The following AKAP6 variants were observed in gnomAD, a reference collection of about 807,000 sequenced individuals.
The protein encoded by AKAP6 is A-kinase anchor protein 6.
Under a neutral mutation model 188.5 loss-of-function variants are expected in AKAP6, and 58 were observed. The observed-to-expected ratio is 0.31, with a 90% confidence interval of 0.25 to 0.38. The LOEUF (loss-of-function observed/expected upper bound fraction) is 0.38. Ranked by LOEUF, AKAP6 falls within the 10% of genes least tolerant of loss-of-function variation. The pLI is 1.00. For missense variants in AKAP6, 2,710 were observed against 2,740.0 expected (o/e 0.99, Z 0.24); for synonymous variants, 989 against 998.6 (o/e 0.99, Z 0.18).
Position 32,414,265 on chromosome 14 carries a change from G to A in AKAP6, c.-34-19195G>A, listed in dbSNP as rs898448973. Among the ~76,000 whole-genome samples the A allele has an allele frequency of 2.0e-5, 3 of 152,140 alleles. No individual in the cohort carries two copies. The East Asian group carries it at 5.8e-4, about 29-fold the overall frequency. ...GTTTTTTAGAGCAGTGTTCCCCAAA[G>A]TGTATACCAGGGAGTGCTGGTTCTG... On this transcript the variant is annotated intron_variant, in intron 1 of 13. Coordinates refer to ENST00000280979, the MANE Select transcript of AKAP6 (RefSeq NM_004274.5).
chr14:32,509,196 C>G (rs941522900), intron 2 of AKAP6, among the ~76,000 whole-genome samples: 1 of 146,178 alleles, frequency 6.8e-6, no homozygotes, highest in African/African-American at 2.5e-5. Flanking sequence ...GCGATCTCGG[C>G]TCACTGCAAC....
At chr14:32,498,455 T>A (rs1485172764) in intron 2 of AKAP6, among the ~76,000 whole-genome samples, 28 of 152,138 alleles carry the variant, frequency 1.8e-4, no homozygotes, top group Admixed American at 1.8e-3. Flanking sequence ...TATATCAATA[T>A]GTATATCAAC....
At chr14:32,375,081 A>G (rs778913641) in intron 1 of AKAP6, among the ~76,000 whole-genome samples, 2 of 152,232 alleles carry the variant, frequency 1.3e-5, no homozygotes, top group African/African-American at 2.4e-5. Context: ...GAAAGCCTGT[A>G]GTAGGAATGA....
At position 32,528,314 on chromosome 14, in the gene AKAP6, G is replaced by T. The variant is rs76100652; in HGVS notation, c.325-7240G>T. On this transcript the variant is annotated intron_variant, in intron 2 of 13. Transcript: ENST00000280979. ...GGCTGTCTAGTAGGTCTACCCTTAAGTCTGTGATATATTTTGAGTTAATTT... is the reference window on the plus strand; with the variant it reads ...GGCTGTCTAGTAGGTCTACCCTTAATTCTGTGATATATTTTGAGTTAATTT... 6.8e-3 allele frequency among the ~76,000 whole-genome samples: 1,039 copies of T among 151,982 alleles called. 8 individuals are homozygous for T. The highest frequency in any genetic ancestry group is 0.024 in the African/African-American group (976 of 41,432).
intron 2 of AKAP6, among the ~76,000 whole-genome samples, chr14:32,467,144 G>C (rs1053305488): frequency 5.3e-5 from 8 of 149,648 alleles, no homozygotes; most frequent in African/African-American, 2.0e-4. Flanking sequence ...CCAAACTCCT[G>C]TGACACACAA....
rs1566745354 is a variant in AKAP6, at chr14:32,830,537, A to T, written c.*732A>T. The T allele has an allele frequency of 1.3e-5, 2 of 152,596 alleles. No homozygotes were observed. Among genetic ancestry groups the T allele is most frequent in the African/African-American group, 2.4e-5 (1 of 41,418 alleles). The allele number at this position is 152,596 out of a possible 1,614,324, so 9.5% of individuals were successfully genotyped here. A position where few individuals can be genotyped will look rare whatever the true frequency, so the allele number is the denominator to read the frequency against. ...GGTGGTAATGAGAAAAAAGTTTTTTAAAAAAGTGTGCCTTGCTGTATTTCT... is the reference window on the plus strand; with the variant it reads ...GGTGGTAATGAGAAAAAAGTTTTTTTAAAAAGTGTGCCTTGCTGTATTTCT... On this transcript the variant is annotated 3_prime_UTR_variant, in exon 14 of 14. Coordinates refer to ENST00000280979, the MANE Select transcript of AKAP6 (RefSeq NM_004274.5).
chr14:32,763,322 A>G (rs1753048817), intron 11 of AKAP6, among the ~76,000 whole-genome samples: 1 of 152,138 alleles, frequency 6.6e-6, no homozygotes, highest in South Asian at 2.1e-4. Flanking sequence ...GTGACAGCCA[A>G]GATATTATAT....
At chr14:32,346,350 A>G (rs1425089426) in intron 1 of AKAP6, among the ~76,000 whole-genome samples, 1 of 152,254 alleles carries the variant, frequency 6.6e-6, no homozygotes, top group Non-Finnish European at 1.5e-5. Flanking sequence ...TTGAACTTCC[A>G]GGCTGGTGAG....
At chr14:32,630,529 A>C (rs1887223418) in intron 7 of AKAP6, among the ~76,000 whole-genome samples, 1 of 152,108 alleles carries the variant, frequency 6.6e-6, no homozygotes, top group Non-Finnish European at 1.5e-5. Context: ...GGAAAAAAGG[A>C]GATACTTTTG....
rs774170593 is a variant in AKAP6, at chr14:32,824,282, G to A, written c.6469G>A (p.Glu2157Lys). 1 of 1,613,796 alleles carries A rather than the reference G, an allele frequency of 6.2e-7. No homozygotes were observed. ...CAAGGAAGATATTGAATGCTTTTTT[G>A]AGGCCTGTGTTGAGGGTGACTCTGA... ...DDKEDIECFF[E>K]ACVEGDSDGE... The change falls in exon 13 of 14, where the codon GAG (glutamate) becomes AAG (lysine). Residue 2157 changes from glutamate (E) to lysine (K), a missense_variant. Transcript: ENST00000280979.
intron 4 of AKAP6, among the ~76,000 whole-genome samples, chr14:32,547,413 A>G (rs9635189): frequency 0.19 from 29,276 of 152,170 alleles, 4,179 homozygotes; most frequent in African/African-American, 0.4. Flanking sequence ...TCCAGAATAC[A>G]TTCCACATCT....
At chr14:32,773,190 T>C (rs138908427) in intron 11 of AKAP6, among the ~76,000 whole-genome samples, 267 of 152,328 alleles carry the variant, frequency 1.8e-3, no homozygotes, top group African/African-American at 5.9e-3. Context: ...ATAGATTTTA[T>C]ATATAAAAAT....
rs927236956 is a variant in AKAP6, at chr14:32,457,703, G to A, written c.324+23886G>A. On this transcript the variant is annotated intron_variant, in intron 2 of 13. Transcript: ENST00000280979. ...GGTGAAGCTACACAGACGGTGCCTG[G>A]TCTCCAGACCACATGCTTTTCATCT... Among the ~76,000 whole-genome samples, 3 of 152,050 alleles carry A rather than the reference G, an allele frequency of 2.0e-5. No homozygotes were observed. In the East Asian group the frequency reaches 5.8e-4, roughly 29 times the overall value.
intron 2 of AKAP6, among the ~76,000 whole-genome samples, chr14:32,453,460 A>T (rs992102406): frequency 1.3e-5 from 2 of 152,102 alleles, no homozygotes; most frequent in African/African-American, 4.8e-5. Context: ...AGTTATCTAG[A>T]AGTGTATTCT....
chr14:32,655,919 A>C (rs1234685228), intron 7 of AKAP6, among the ~76,000 whole-genome samples: 1 of 152,122 alleles, frequency 6.6e-6, no homozygotes. Flanking sequence ...TATAATCAGA[A>C]ATCTAAAGAA....
rs1890634669 is a variant in AKAP6 at position 32,443,100 on chromosome 14, A to G, written c.324+9283A>G. ...AGTAGAATCTCCTGGGAAGCTTTAA[A>G]AAACCCATTGTCCGGCCAGGCGTGG... On this transcript the variant is annotated intron_variant, in intron 2 of 13. Coordinates refer to ENST00000280979, the MANE Select transcript of AKAP6 (RefSeq NM_004274.5). Among the ~76,000 whole-genome samples, 6 of 152,288 alleles carry G rather than the reference A, an allele frequency of 3.9e-5. No homozygotes were observed. The South Asian group carries it at 1.0e-3, about 26-fold the overall frequency.
chr14:32,428,723 T>C (rs545803339), intron 1 of AKAP6, among the ~76,000 whole-genome samples: 4 of 152,244 alleles, frequency 2.6e-5, no homozygotes, highest in Non-Finnish European at 5.9e-5. Context: ...TTTAAATGTG[T>C]TTGTTTATTC....
At chr14:32,461,476 A>T (rs1451426028) in intron 2 of AKAP6, among the ~76,000 whole-genome samples, 1 of 152,212 alleles carries the variant, frequency 6.6e-6, no homozygotes, top group Admixed American at 6.5e-5. Context: ...AGACCTGCAG[A>T]AGAGGAGCCT....
intron 5 of AKAP6, among the ~76,000 whole-genome samples, chr14:32,583,484 C>T (rs58574409): frequency 0.1 from 15,150 of 151,588 alleles, 1,553 homozygotes; most frequent in East Asian, 0.58. Context: ...TCTCAGATCT[C>T]CACCACTGCT....
Sources: gnomAD v4.1 joint callset for allele counts (sites outside exome capture counted in the v4.1 genomes callset) on GRCh38, gnomAD v4.1.1 for gene constraint, MANE v1.5 for transcripts, NCBI Gene and HGNC (gene_info 2026-07-23, HGNC 2026-07-21) for gene names.